The following AGBL4 variants were observed in gnomAD, a reference collection of about 807,000 sequenced individuals.
The protein encoded by AGBL4 is AGBL carboxypeptidase 4, also known as cytosolic carboxypeptidase 6.
AGBL4 carries 58 observed loss-of-function variants against 66.4 expected under a neutral mutation model. The ratio of observed to expected loss-of-function variants is 0.87; its 90% confidence interval spans 0.71 to 1.09. The LOEUF is 1.09. AGBL4 is among the 50% of genes least tolerant of loss of function. The pLI is 0.00. For missense variants in AGBL4, 579 were observed against 631.0 expected (o/e 0.92, Z 0.88); for synonymous variants, 234 against 222.9 (o/e 1.05, Z -0.44).
At chr1:49,468,765 T>C (rs1405272127) in intron 3 of AGBL4, among the ~76,000 whole-genome samples, 1 of 151,884 alleles carries the variant, frequency 6.6e-6, no homozygotes, top group Non-Finnish European at 1.5e-5. Context: ...GTTTTATGCA[T>C]TTTTTGCAAA....
chr1:49,499,965 G>A (rs1210597516), intron 3 of AGBL4, among the ~76,000 whole-genome samples: 1 of 151,958 alleles, frequency 6.6e-6, no homozygotes, highest in African/African-American at 2.4e-5. Flanking sequence ...TTTCCATACT[G>A]ATTGTACTAG....
chr1:49,458,311 C>T (rs1017825717), intron 3 of AGBL4, among the ~76,000 whole-genome samples: 4 of 151,390 alleles, frequency 2.6e-5, no homozygotes, highest in African/African-American at 9.7e-5. Flanking sequence ...TTATTTTTTG[C>T]TATTGTTAAA....
At chr1:49,570,046 A>G (rs1268809967) in intron 3 of AGBL4, among the ~76,000 whole-genome samples, 1 of 152,120 alleles carries the variant, frequency 6.6e-6, no homozygotes, top group Non-Finnish European at 1.5e-5. Flanking sequence ...ATAAGCACAC[A>G]AGTGCAGGTA....
intron 11 of AGBL4, among the ~76,000 whole-genome samples, chr1:48,572,180 C>T (rs564464859): frequency 2.0e-5 from 3 of 152,018 alleles, no homozygotes; most frequent in Non-Finnish European, 4.4e-5. Context: ...CGAGCCCCTG[C>T]CCAGGTCAGA....
At chr1:49,972,046 T>C (rs988074273) in intron 1 of AGBL4, among the ~76,000 whole-genome samples, 1 of 150,328 alleles carries the variant, frequency 6.7e-6, no homozygotes, top group Admixed American at 6.7e-5. Flanking sequence ...GCCTCCCGAG[T>C]AGCTGGGACT....
intron 1 of AGBL4, among the ~76,000 whole-genome samples, chr1:50,002,865 G>C (rs905724635): frequency 6.6e-6 from 1 of 152,100 alleles, no homozygotes; most frequent in East Asian, 1.9e-4. Context: ...TGGATGCCAA[G>C]TTTAAATTTT....
chr1:49,415,847 G>T (rs531985087), intron 3 of AGBL4, among the ~76,000 whole-genome samples: 1 of 152,164 alleles, frequency 6.6e-6, no homozygotes, highest in East Asian at 1.9e-4. Context: ...AAAGTCAGAA[G>T]TAGAATCAAC....
At chr1:48,768,087 G>A (rs1454785921) in intron 6 of AGBL4, among the ~76,000 whole-genome samples, 3 of 152,128 alleles carry the variant, frequency 2.0e-5, no homozygotes, top group Admixed American at 6.5e-5. Context: ...TTTAATACAG[G>A]CCCTGTTCCT....
chr1:49,447,753 T>C (rs1474637950), intron 3 of AGBL4, among the ~76,000 whole-genome samples: 1 of 152,110 alleles, frequency 6.6e-6, no homozygotes, highest in Non-Finnish European at 1.5e-5. Flanking sequence ...CCAAGTCCCT[T>C]TGGGTTTCTG....
intron 2 of AGBL4, among the ~76,000 whole-genome samples, chr1:49,704,185 G>A (rs764615144): frequency 1.5e-4 from 23 of 151,918 alleles, no homozygotes; most frequent in Non-Finnish European, 2.9e-4. Flanking sequence ...ATTCTACATT[G>A]TACGCAAAAA....
chr1:49,482,948 T>C (rs1313090486), intron 3 of AGBL4, among the ~76,000 whole-genome samples: 5 of 152,132 alleles, frequency 3.3e-5, no homozygotes, highest in Non-Finnish European at 7.4e-5. Flanking sequence ...AATTTCTTAG[T>C]CTTGACTTCT....
intron 6 of AGBL4, among the ~76,000 whole-genome samples, chr1:48,814,943 T>C (rs1374050113): frequency 6.6e-6 from 1 of 152,174 alleles, no homozygotes; most frequent in Non-Finnish European, 1.5e-5. Flanking sequence ...GATCATGTAG[T>C]AGCTCTATTT....
chr1:48,876,339 CT>C, intron 5 of AGBL4, among the ~76,000 whole-genome samples: 1 of 152,210 alleles, frequency 6.6e-6, no homozygotes, highest in South Asian at 2.1e-4. Context: ...ATCCTAAAAT[CT>C]TACACAGTCA....
Position 49,299,747 on chromosome 1 carries a change from CCA to C in AGBL4, c.283-53885_283-53884del, listed in dbSNP as rs1570377957. Among the ~76,000 whole-genome samples the C allele has an allele frequency of 2.6e-5, 4 of 152,272 alleles. No homozygotes were observed. The East Asian group carries it at 7.7e-4, about 29-fold the overall frequency. On this transcript the variant is annotated intron_variant, in intron 3 of 13. Coordinates refer to ENST00000371839, the MANE Select transcript of AGBL4 (RefSeq NM_032785.4). ...TGAGGAATAAACATTCCATTTCTCA[CCA>C]TTAAGTACCAATGTAATCTAGAGGT...
At chr1:49,563,109 TTGTC>T (rs1395982188) in intron 3 of AGBL4, among the ~76,000 whole-genome samples, 3 of 152,096 alleles carry the variant, frequency 2.0e-5, no homozygotes, top group East Asian at 1.9e-4. Flanking sequence ...GGCTCTCTGT[TTGTC>T]TGTTATTGGT....
At chr1:49,538,411 G>A (rs1371116048) in intron 3 of AGBL4, among the ~76,000 whole-genome samples, 1 of 152,196 alleles carries the variant, frequency 6.6e-6, no homozygotes, top group African/African-American at 2.4e-5. Context: ...AAGGTGATGA[G>A]AAATTACTTA....
intron 2 of AGBL4, among the ~76,000 whole-genome samples, chr1:49,698,560 G>T (rs779389118): frequency 3.3e-5 from 5 of 151,984 alleles, no homozygotes; most frequent in Non-Finnish European, 5.9e-5. Flanking sequence ...ACAAGTAAAA[G>T]TCACATTTGG....
intron 6 of AGBL4, among the ~76,000 whole-genome samples, chr1:48,730,655 C>T (rs1049915225): frequency 6.6e-6 from 1 of 152,142 alleles, no homozygotes; most frequent in Non-Finnish European, 1.5e-5. Flanking sequence ...TGGGTAACAG[C>T]ACTGAACGAA....
At chr1:49,133,139 C>T (rs541806264) in intron 4 of AGBL4, among the ~76,000 whole-genome samples, 6 of 152,190 alleles carry the variant, frequency 3.9e-5, no homozygotes, top group Admixed American at 2.6e-4. Flanking sequence ...AACACAGTAA[C>T]AGAAAACCAA....
Sources: allele counts gnomAD v4.1 joint callset (sites outside exome capture counted in the v4.1 genomes callset), GRCh38; gene constraint gnomAD v4.1.1; transcripts MANE v1.5; gene names NCBI Gene and HGNC (gene_info 2026-07-23, HGNC 2026-07-21).